DPP10: variants seen among roughly 807,000 people sequenced by gnomAD.
DPP10 encodes the protein dipeptidyl peptidase like 10.
Under a neutral mutation model 120.9 loss-of-function variants are expected in DPP10, and 33 were observed. That is an observed-to-expected ratio of 0.27 (90% CI 0.21 to 0.37). The LOEUF is 0.37. DPP10 is among the 10% of genes least tolerant of loss of function. The pLI is 1.00. For synonymous variants in DPP10, 337 were observed against 326.1 expected (o/e 1.03, Z -0.36); for missense variants, 816 against 942.8 (o/e 0.87, Z 1.76).
intron 1 of DPP10, among the ~76,000 whole-genome samples, chr2:115,063,995 A>T (rs1203816420): frequency 6.6e-6 from 1 of 152,046 alleles, no homozygotes; most frequent in Admixed American, 6.6e-5. Context: ...TGTTGGTTCA[A>T]TGCCTGCCTT....
intron 3 of DPP10, among the ~76,000 whole-genome samples, chr2:115,369,679 T>C (rs977014025): frequency 1.3e-5 from 2 of 152,064 alleles, no homozygotes; most frequent in Non-Finnish European, 2.9e-5. Flanking sequence ...AGTAGAGCTT[T>C]AGTAGGGTTT....
intron 1 of DPP10, among the ~76,000 whole-genome samples, chr2:114,987,647 G>A (rs17043876): frequency 0.26 from 38,775 of 151,850 alleles, 5,028 homozygotes; most frequent in East Asian, 0.35. Context: ...ACTTTCGAAT[G>A]GAAATTGGAG....
At chr2:114,445,646 C>T (rs1215892868) in intron 1 of DPP10, among the ~76,000 whole-genome samples, 1 of 150,632 alleles carries the variant, frequency 6.6e-6, no homozygotes, top group Admixed American at 6.7e-5. Flanking sequence ...CAATTGTTGC[C>T]AGTGAAGGCT....
intron 1 of DPP10, among the ~76,000 whole-genome samples, chr2:114,448,332 T>C (rs1187505391): frequency 6.6e-6 from 1 of 152,216 alleles, no homozygotes; most frequent in Non-Finnish European, 1.5e-5. Context: ...AAGTAATGTG[T>C]TAATACTTTT....
At chr2:115,180,197 T>G (rs565831046) in intron 1 of DPP10, among the ~76,000 whole-genome samples, 4 of 152,230 alleles carry the variant, frequency 2.6e-5, no homozygotes, top group Non-Finnish European at 5.9e-5. Flanking sequence ...TATTAGGAGA[T>G]GTATGGGCAT....
At chr2:115,328,694 C>T (rs966663473) in intron 2 of DPP10, among the ~76,000 whole-genome samples, 6 of 152,066 alleles carry the variant, frequency 3.9e-5, no homozygotes, top group African/African-American at 1.4e-4. Context: ...GCCAAAGCAG[C>T]ATTTTTCTGG....
intron 1 of DPP10, among the ~76,000 whole-genome samples, chr2:114,859,555 T>C (rs1327218956): frequency 6.6e-6 from 1 of 152,210 alleles, no homozygotes; most frequent in Non-Finnish European, 1.5e-5. Flanking sequence ...ATCAAACTAG[T>C]AATTTGATTT....
At chr2:115,212,372 A>G (rs2056571730) in intron 1 of DPP10, among the ~76,000 whole-genome samples, 1 of 152,182 alleles carries the variant, frequency 6.6e-6, no homozygotes, top group African/African-American at 2.4e-5. Context: ...CTCTTTGCCA[A>G]AGGGAACACA....
At chr2:115,605,183 C>A (rs1486268730) in intron 5 of DPP10, among the ~76,000 whole-genome samples, 1 of 151,948 alleles carries the variant, frequency 6.6e-6, no homozygotes, top group Non-Finnish European at 1.5e-5. Context: ...GATTAACATG[C>A]ATTTTTTTGG....
intron 1 of DPP10, among the ~76,000 whole-genome samples, chr2:114,558,811 C>A (rs1344453739): frequency 6.6e-6 from 1 of 152,202 alleles, no homozygotes; most frequent in East Asian, 1.9e-4. Context: ...CATCTGGGGG[C>A]TCTTTTCCAC....
chr2:115,634,201 G>T (rs1034119245), intron 5 of DPP10, among the ~76,000 whole-genome samples: 1 of 152,078 alleles, frequency 6.6e-6, no homozygotes, highest in Admixed American at 6.6e-5. Context: ...GACTACTTCC[G>T]TCAGTTTATC....
intron 7 of DPP10, among the ~76,000 whole-genome samples, chr2:115,725,747 T>C (rs1383052055): frequency 6.6e-6 from 1 of 152,226 alleles, no homozygotes; most frequent in Non-Finnish European, 1.5e-5. Flanking sequence ...GTGCATGATC[T>C]GTGCTGTTAT....
At chr2:114,899,503 G>T (rs1172115083) in intron 1 of DPP10, among the ~76,000 whole-genome samples, 2 of 151,974 alleles carry the variant, frequency 1.3e-5, no homozygotes, top group African/African-American at 4.8e-5. Flanking sequence ...TTTAACTTTT[G>T]TCGTAATGAA....
chr2:114,589,288 C>T (rs960223116), intron 1 of DPP10, among the ~76,000 whole-genome samples: 1 of 152,154 alleles, frequency 6.6e-6, no homozygotes, highest in African/African-American at 2.4e-5. Flanking sequence ...AGTGTTCCTC[C>T]TGTACCCCAG....
At chr2:115,579,604 T>C (rs1286218948) in intron 5 of DPP10, 1 of 152,192 alleles carries the variant, frequency 6.6e-6, no homozygotes, top group Non-Finnish European at 1.5e-5. Flanking sequence ...TGTTTTTTAC[T>C]TTTTCTTTTA....
intron 3 of DPP10, among the ~76,000 whole-genome samples, chr2:115,457,713 T>C (rs1344189610): frequency 6.6e-6 from 1 of 152,088 alleles, no homozygotes; most frequent in East Asian, 1.9e-4. Flanking sequence ...CCTTTATGCA[T>C]TGCTGGTGGA....
chr2:115,321,582 G>A (rs1301531434), intron 2 of DPP10, among the ~76,000 whole-genome samples: 1 of 113,618 alleles, frequency 8.8e-6, no homozygotes, highest in Non-Finnish European at 1.7e-5. Context: ...TGCCAAATTT[G>A]GCAAGTTGTT....
In DPP10 at chr2:115,516,368, C is replaced by A. The variant is rs895293137; in HGVS notation, c.367-9530C>A. On this transcript the variant is annotated intron_variant, in intron 4 of 25. Coordinates refer to ENST00000410059, the MANE Select transcript of DPP10 (RefSeq NM_020868.6). Reference sequence around the variant, plus strand: ...CCAGGGATGTAAATCTAAAATTATTCTTTTCCTTTATTTTTGTTATTTGCT... The same window carrying A: ...CCAGGGATGTAAATCTAAAATTATTATTTTCCTTTATTTTTGTTATTTGCT... 5.9e-5 allele frequency among the ~76,000 whole-genome samples: 9 copies of A among 152,112 alleles called. No individual in the cohort carries two copies. In the South Asian group the frequency reaches 1.0e-3, roughly 18 times the overall value.
intron 5 of DPP10, among the ~76,000 whole-genome samples, chr2:115,541,813 G>A (rs962270924): frequency 2.0e-5 from 3 of 151,900 alleles, no homozygotes; most frequent in Non-Finnish European, 4.4e-5. Context: ...TAATAGTGGG[G>A]AGAGATAAAG....
Sources: gnomAD v4.1 joint callset for allele counts (sites outside exome capture counted in the v4.1 genomes callset) on GRCh38, gnomAD v4.1.1 for gene constraint, MANE v1.5 for transcripts, NCBI Gene and HGNC (gene_info 2026-07-23, HGNC 2026-07-21) for gene names.